PSMB5: variants seen among roughly 807,000 people sequenced by gnomAD.
PSMB5 encodes the protein proteasome 20S subunit beta 5, also known as proteasome subunit beta type-5.
Under a neutral mutation model 22.8 loss-of-function variants are expected in PSMB5, and 2 were observed. That is an observed-to-expected ratio of 0.09 (90% CI 0.04 to 0.28). The LOEUF (loss-of-function observed/expected upper bound fraction) is 0.28. PSMB5 is among the 10% of genes least tolerant of loss of function. PSMB5 has a pLI of 1.00. For missense variants in PSMB5, 269 were observed against 343.8 expected (o/e 0.78, Z 1.72); for synonymous variants, 133 against 135.3 (o/e 0.98, Z 0.12).
chr14:23,033,890 G>C (rs1183481875), intron 1 of PSMB5, among the ~76,000 whole-genome samples: 2 of 152,168 alleles, frequency 1.3e-5, no homozygotes, highest in African/African-American at 4.8e-5. Context: ...CATTTTATAG[G>C]ATGGGCGTGG....
intron 2 of PSMB5, among the ~76,000 whole-genome samples, chr14:23,030,405 C>T (rs913905837): frequency 1.9e-4 from 28 of 150,080 alleles, no homozygotes; most frequent in African/African-American, 6.9e-4. Context: ...AGGAGAATGG[C>T]GTGAATCCGG....
In PSMB5 at chr14:23,034,806, C is replaced by G. The variant is rs1303789182; in HGVS notation, c.76G>C (p.Asp26His). 3.7e-6 allele frequency: 6 copies of G among 1,614,270 alleles called. No homozygotes were observed. The African/African-American group carries it at 4.0e-5, about 11-fold the overall frequency. ...CTCCCTGGACCTAGATCCAGCAGAT[C>G]TGCACGACCCCCAAGTCCGAAAAAC... ...RGFFGLGGRA[D>H]LLDLGPGSLS... The change falls in exon 1 of 3, where the codon GAT (aspartate) becomes CAT (histidine). Residue 26 changes from aspartate to histidine, a missense_variant. Around this residue, in one of 3 missense-constraint regions of PSMB5, gnomAD observed 81 missense variants for 70.4 expected, o/e 1.15. Coordinates refer to ENST00000361611, the MANE Select transcript of PSMB5 (RefSeq NM_002797.5).
intron 2 of PSMB5, among the ~76,000 whole-genome samples, chr14:23,030,616 G>A (rs1176325246): frequency 6.6e-6 from 1 of 152,158 alleles, no homozygotes; most frequent in African/African-American, 2.4e-5. Flanking sequence ...AAGTCCCAAA[G>A]TTGGCCCTGC....
In PSMB5 at chr14:23,026,322, C is replaced by T. The variant is rs758398552; in HGVS notation, c.559G>A (p.Val187Ile). 1 of 1,613,840 alleles carries T rather than the reference C, an allele frequency of 6.2e-7. No homozygotes were observed. The highest frequency in any genetic ancestry group is 1.1e-5 in the South Asian group (1 of 91,068). ...GNRISGATFS[V>I]GSGSVYAYGV... Reference sequence around the variant, plus strand: ...TATGCATACACAGAGCCAGAACCTACAGAGAAGGTGGCCCCTGAAATCCGG... The same window carrying T: ...TATGCATACACAGAGCCAGAACCTATAGAGAAGGTGGCCCCTGAAATCCGG... Residue 187 changes from valine to isoleucine, a missense_variant, in exon 3 of 3, where the codon GTA (valine) becomes ATA (isoleucine). Val to Ile is a conservative substitution (Grantham distance 29). Coordinates refer to ENST00000361611, the MANE Select transcript of PSMB5 (RefSeq NM_002797.5).
At position 23,026,227 on chromosome 14, in the gene PSMB5, G is replaced by A. The variant is rs760437419; in HGVS notation, c.654C>T (p.Ala218=). The A allele has an allele frequency of 2.5e-6, 4 of 1,614,060 alleles. No individual in the cohort carries two copies. The Admixed American group carries it at 5.0e-5, about 20-fold the overall frequency. ...VEQAYDLARR[A]IYQATYRDAY... is the part of the protein sequence containing the mutation. The stretch of plus-strand genomic sequence containing the variant: ...CATCTCTGTAGGTGGCTTGGTAGAT[G>A]GCTCGACGGGCCAGATCATAGGCCT... Residue 218 remains alanine (A), a synonymous_variant, in exon 3 of 3, where the codon GCC becomes GCT. Transcript: ENST00000361611.
intron 2 of PSMB5, among the ~76,000 whole-genome samples, chr14:23,028,552 A>G (rs535921537): frequency 1.3e-5 from 2 of 152,364 alleles, no homozygotes; most frequent in South Asian, 4.1e-4. Context: ...AAAATGTAAA[A>G]TTACATATAT....
chr14:23,031,893 A>G (rs1170013985), intron 2 of PSMB5, among the ~76,000 whole-genome samples: 1 of 152,222 alleles, frequency 6.6e-6, no homozygotes, highest in African/African-American at 2.4e-5. Context: ...GTTCAAGACC[A>G]GCCTGGCCAA....
Position 23,025,954 on chromosome 14 carries a change from G to GA in PSMB5, c.*134_*135insT. ...TGACTGGTAACACATAGAGGTCAATGTGCCAGAGCTTAAAAAAAAGTACTG... is the reference window on the plus strand; with the variant it reads ...TGACTGGTAACACATAGAGGTCAATGATGCCAGAGCTTAAAAAAAAGTACTG... On this transcript the variant is annotated 3_prime_UTR_variant, in exon 3 of 3. Transcript: ENST00000361611. 1 of 1,503,776 alleles carries GA rather than the reference G, an allele frequency of 6.6e-7. No homozygotes were observed. The highest frequency in any genetic ancestry group is 8.8e-7 in the Non-Finnish European group (1 of 1,130,384). 93.2% of individuals were successfully genotyped at this position (1,503,776 alleles called of 1,614,324 possible). A position where few individuals can be genotyped will look rare whatever the true frequency, so the allele number is the denominator to read the frequency against.
chr14:23,034,384 C>A lies in PSMB5; in HGVS notation c.198+300G>T, dbSNP rs1223632808. On this transcript the variant is annotated intron_variant, in intron 1 of 2. Transcript: ENST00000361611. ...CCTCGGCCAAGATTCATTGTTGTTG[C>A]GGCCTTTCCCAGCTAGAAGATCCTG... 4 of 345,854 alleles carry A rather than the reference C, an allele frequency of 1.2e-5. No homozygotes were observed. The East Asian group carries it at 2.4e-4, about 21-fold the overall frequency. 21.4% of individuals were successfully genotyped at this position (345,854 alleles called of 1,614,324 possible). A position where few individuals can be genotyped will look rare whatever the true frequency, so the allele number is the denominator to read the frequency against.
chr14:23,027,931 G>T (rs2046927883), intron 2 of PSMB5: 2 of 713,728 alleles, frequency 2.8e-6, no homozygotes, highest in Non-Finnish European at 4.7e-6. Flanking sequence ...GTCACCTGAG[G>T]TCAGGAGTTC....
intron 2 of PSMB5, among the ~76,000 whole-genome samples, chr14:23,027,579 T>C (rs2046925087): frequency 6.6e-6 from 1 of 150,820 alleles, no homozygotes; most frequent in African/African-American, 2.4e-5. Context: ...GCTCAGGACT[T>C]GCAGGCTGCA....
At position 23,034,727 on chromosome 14, in the gene PSMB5, G is replaced by A; in HGVS notation, c.155C>T (p.Pro52Leu). 1 of 1,614,146 alleles carries A rather than the reference G, an allele frequency of 6.2e-7. No homozygotes were observed. Among genetic ancestry groups the A allele is most frequent in the Non-Finnish European group, 8.5e-7 (1 of 1,180,024 alleles). Residue 52 changes from proline to leucine, a missense_variant, in exon 1 of 3, where the codon CCA becomes CTA. By Grantham distance (98) the Pro-to-Leu change is moderately conservative. Transcript: ENST00000361611. ...TGTTCCATGAAGCATTTCGATTCCT[G>A]GCTCTTCTGGGACACCCCAGCCTGG... ...AAPGWGVPEEPGIEMLHGTTT... is the reference protein window; with the variant it reads ...AAPGWGVPEELGIEMLHGTTT...
chr14:23,035,060 G>A (rs1008885200), upstream of PSMB5: 1 of 1,282,414 alleles, frequency 7.8e-7, no homozygotes. Context: ...TTCACTGAAG[G>A]GGGTCGGGGA....
At chr14:23,027,726 CTTATA>C in intron 2 of PSMB5, 4 of 1,518,300 alleles carry the variant, frequency 2.6e-6, no homozygotes, top group Non-Finnish European at 3.6e-6. Flanking sequence ...CCCATCTCAC[CTTATA>C]TTATAATAAC....
chr14:23,030,829 G>A (rs941160683), intron 2 of PSMB5, among the ~76,000 whole-genome samples: 5 of 152,140 alleles, frequency 3.3e-5, no homozygotes, highest in African/African-American at 1.2e-4. Context: ...GGGAGGCTGA[G>A]GCAGGAGATC....
upstream of PSMB5, chr14:23,034,902 A>G: frequency 1.2e-6 from 2 of 1,608,566 alleles, no homozygotes; most frequent in Non-Finnish European, 1.7e-6. Flanking sequence ...GGCAGAAAGA[A>G]CTAATTCTGA....
rs2046909192 is a variant in PSMB5 at position 23,025,984 on chromosome 14, A to T, written c.*105T>A. The T allele has an allele frequency of 6.5e-7, 1 of 1,535,414 alleles. No homozygotes were observed. The highest frequency in any genetic ancestry group is 2.0e-5 in the Admixed American group (1 of 49,350). ...AGAGCTTAAAAAAAAGTACTGATAC[A>T]ATTGAAGGCCCTTCCACTATAAATA... On this transcript the variant is annotated 3_prime_UTR_variant, in exon 3 of 3. Transcript: ENST00000361611.
chr14:23,034,948 C>A, upstream of PSMB5: 1 of 1,541,686 alleles, frequency 6.5e-7, no homozygotes, highest in South Asian at 1.2e-5. Flanking sequence ...CAACGCCTCG[C>A]CGTCACAGCT....
intron 2 of PSMB5, chr14:23,027,600 A>C (rs2046925240): frequency 1.9e-6 from 1 of 532,766 alleles, no homozygotes; most frequent in Admixed American, 3.2e-5. Flanking sequence ...GTAAGCTATA[A>C]TCACACCACC....
Sources: gnomAD v4.1 joint callset for allele counts (sites outside exome capture counted in the v4.1 genomes callset) on GRCh38, gnomAD v4.1.1 for gene constraint, gnomAD v4.1.1 regional missense constraint, MANE v1.5 for transcripts, NCBI Gene and HGNC (gene_info 2026-07-23, HGNC 2026-07-21) for gene names.